PBX3: variants seen among roughly 807,000 people sequenced by gnomAD.
PBX3 encodes the protein PBX homeobox 3, also known as pre-B-cell leukemia transcription factor 3.
In PBX3, 14 loss-of-function variants were observed where a neutral mutation model predicts 48.5. The ratio of observed to expected loss-of-function variants is 0.29; its 90% CI spans 0.19 to 0.45. The LOEUF (loss-of-function observed/expected upper bound fraction) is 0.45, where lower values mean the gene tolerates loss of function less well. Ranked by LOEUF, PBX3 falls within the 20% of genes least tolerant of loss-of-function variation. The pLI, the probability that PBX3 is intolerant of heterozygous loss-of-function variation, is 1.00. For synonymous variants in PBX3, 210 were observed against 200.3 expected (o/e 1.05, Z -0.41); for missense variants, 386 against 546.7 (o/e 0.71, Z 2.93).
intron 2 of PBX3, among the ~76,000 whole-genome samples, chr9:125,893,008 T>C (rs1840685758): frequency 6.6e-6 from 1 of 152,184 alleles, no homozygotes; most frequent in Admixed American, 6.5e-5. Context: ...AAAGTGGAAA[T>C]TACTACACTA....
intron 2 of PBX3, among the ~76,000 whole-genome samples, chr9:125,888,460 ACT>A (rs1282078813): frequency 6.6e-6 from 1 of 152,018 alleles, no homozygotes; most frequent in African/African-American, 2.4e-5. Flanking sequence ...GGATTAAGTC[ACT>A]CTGCTGTAGG....
Position 125,747,644 on chromosome 9 carries a change from C to T in PBX3, c.191C>T (p.Ala64Val), listed in dbSNP as rs2131933667. ...MTITDQSLDEAQAKKHALNCH... is the reference protein window; with the variant it reads ...MTITDQSLDEVQAKKHALNCH... ...ATCACCGACCAGAGCTTGGACGAGG[C>T]GCAAGCAAAGTTGGTGTCGTCTCAT... Residue 64 changes from alanine (A) to valine (V), a missense_variant, in exon 1 of 9, where the codon GCG becomes GTG. Ala to Val is a moderately conservative substitution (Grantham distance 64). Transcript: ENST00000373489. The T allele has an allele frequency of 6.3e-7, 1 of 1,590,704 alleles. No individual in the cohort carries two copies. The highest frequency in any genetic ancestry group is 8.6e-7 in the Non-Finnish European group (1 of 1,169,020).
chr9:125,962,588 A>G (rs2118825339), intron 7 of PBX3, among the ~76,000 whole-genome samples: 2 of 152,350 alleles, frequency 1.3e-5, no homozygotes, highest in South Asian at 4.1e-4. Context: ...CTTAAATTAT[A>G]ACTCTATAAT....
intron 2 of PBX3, among the ~76,000 whole-genome samples, chr9:125,881,890 A>G (rs1365196385): frequency 6.6e-6 from 1 of 151,926 alleles, no homozygotes. Context: ...AGGATCCATT[A>G]TCATTAAGTA....
At chr9:125,871,024 A>G (rs1162549451) in intron 2 of PBX3, among the ~76,000 whole-genome samples, 1 of 152,208 alleles carries the variant, frequency 6.6e-6, no homozygotes, top group African/African-American at 2.4e-5. Context: ...ACTTCTAGAT[A>G]TAAAGTCTTG....
intron 2 of PBX3, among the ~76,000 whole-genome samples, chr9:125,788,961 T>C (rs777364024): frequency 6.6e-6 from 1 of 152,222 alleles, no homozygotes; most frequent in Non-Finnish European, 1.5e-5. Context: ...CTGAATTTAT[T>C]ATTCACCATT....
chr9:125,814,765 C>T (rs527528982), intron 2 of PBX3, among the ~76,000 whole-genome samples: 20 of 152,254 alleles, frequency 1.3e-4, no homozygotes, highest in South Asian at 1.0e-3. Context: ...GTTTGGCATT[C>T]GTTTTTAATT....
intron 3 of PBX3, among the ~76,000 whole-genome samples, chr9:125,918,257 G>A (rs1841378313): frequency 6.6e-6 from 1 of 152,184 alleles, no homozygotes; most frequent in Admixed American, 6.5e-5. Flanking sequence ...TGAAGCTGGT[G>A]TCAGTCAATG....
At chr9:125,818,674 T>C (rs1036457007) in intron 2 of PBX3, among the ~76,000 whole-genome samples, 6 of 151,832 alleles carry the variant, frequency 4.0e-5, no homozygotes, top group Admixed American at 1.3e-4. Context: ...TTTAAAGATA[T>C]ATAGAAACAG....
chr9:125,844,734 TAAG>T (rs1839383106), intron 2 of PBX3: 1 of 152,096 alleles, frequency 6.6e-6, no homozygotes, highest in Admixed American at 6.6e-5. Context: ...TCTGGGGCTT[TAAG>T]AAGATCAACA....
chr9:125,939,511 T>C (rs987312398), intron 5 of PBX3, among the ~76,000 whole-genome samples: 2 of 152,182 alleles, frequency 1.3e-5, no homozygotes, highest in African/African-American at 2.4e-5. Flanking sequence ...TAAATTGATA[T>C]AGCCACTTTG....
At chr9:125,772,563 T>TA (rs1367961810) in intron 2 of PBX3, among the ~76,000 whole-genome samples, 1 of 152,260 alleles carries the variant, frequency 6.6e-6, no homozygotes. Context: ...AACTGCTGCT[T>TA]AATTGATTTG....
At chr9:125,769,924 ATTAAT>A (rs1836899412) in intron 2 of PBX3, among the ~76,000 whole-genome samples, 1 of 152,168 alleles carries the variant, frequency 6.6e-6, no homozygotes, top group Non-Finnish European at 1.5e-5. Context: ...TTAACCACTT[ATTAAT>A]TTATTTAAGC....
chr9:125,928,411 TG>T (rs1334600368), intron 3 of PBX3, among the ~76,000 whole-genome samples: 1 of 148,222 alleles, frequency 6.7e-6, no homozygotes, highest in African/African-American at 2.6e-5. Context: ...TGTGTGTGTG[TG>T]TGTGTGTGTG....
intron 2 of PBX3, among the ~76,000 whole-genome samples, chr9:125,897,614 G>T (rs1840805028): frequency 6.6e-6 from 1 of 151,820 alleles, no homozygotes; most frequent in African/African-American, 2.4e-5. Flanking sequence ...GTATTCACAT[G>T]TCTAAAAAAC....
intron 2 of PBX3, among the ~76,000 whole-genome samples, chr9:125,839,961 A>G (rs995056295): frequency 6.6e-6 from 1 of 152,168 alleles, no homozygotes; most frequent in African/African-American, 2.4e-5. Flanking sequence ...GTGTTCTATT[A>G]TCTGTCAGTC....
chr9:125,758,976 A>T (rs1836592805), intron 2 of PBX3, among the ~76,000 whole-genome samples: 1 of 152,184 alleles, frequency 6.6e-6, no homozygotes, highest in African/African-American at 2.4e-5. Flanking sequence ...GGTGACACTG[A>T]GAGGTTAAGT....
At chr9:125,820,399 G>A (rs563876822) in intron 2 of PBX3, among the ~76,000 whole-genome samples, 1 of 152,260 alleles carries the variant, frequency 6.6e-6, no homozygotes, top group East Asian at 1.9e-4. Context: ...TAAATGAAAT[G>A]GGTTTTAAAA....
intron 5 of PBX3, chr9:125,949,419 T>C: frequency 5.8e-6 from 9 of 1,550,810 alleles, no homozygotes; most frequent in Non-Finnish European, 7.8e-6. Context: ...GCAAAGGTTC[T>C]GACATCCAGC....
Sources: gnomAD v4.1 joint callset for allele counts (sites outside exome capture counted in the v4.1 genomes callset) on GRCh38, gnomAD v4.1.1 for gene constraint, MANE v1.5 for transcripts, NCBI Gene and HGNC (gene_info 2026-07-23, HGNC 2026-07-21) for gene names.